Variants in SAXO1 observed in about 807,000 individuals in gnomAD.
The protein encoded by SAXO1 is 4930500O09Rik.
SAXO1 carries 21 observed loss-of-function variants against 17.5 expected under a neutral mutation model. The ratio of observed to expected loss-of-function variants is 1.20; its 90% confidence interval spans 0.85 to 1.72. The LOEUF is 1.72. Ranked by LOEUF, SAXO1 falls within the 40% of genes most tolerant of loss-of-function variation. The probability of loss-of-function intolerance (pLI) is 0.00; values close to 1 mark genes in which losing one functional copy is unlikely to be tolerated. For missense variants in SAXO1, 843 were observed against 596.0 expected, an observed-to-expected ratio of 1.41 and a Z score of -4.32; for synonymous variants, 274 against 216.5, an observed-to-expected ratio of 1.27 and a Z score of -2.33.
At chr9:19,019,252 C>T (rs759304168) in intron 1 of SAXO1, among the ~76,000 whole-genome samples, 17 of 152,282 alleles carry the variant, frequency 1.1e-4, no homozygotes, top group Non-Finnish European at 1.9e-4. Flanking sequence ...AAAATAAATG[C>T]TCTTCTTTGC....
At chr9:18,999,389 T>C (rs1291437002) in intron 1 of SAXO1, among the ~76,000 whole-genome samples, 1 of 152,038 alleles carries the variant, frequency 6.6e-6, no homozygotes, top group Non-Finnish European at 1.5e-5. Context: ...ATCGGTGAAG[T>C]GAGGAGCACC....
At chr9:19,018,906 T>TTG (rs1339464699) in intron 1 of SAXO1, among the ~76,000 whole-genome samples, 1 of 152,126 alleles carries the variant, frequency 6.6e-6, no homozygotes, top group African/African-American at 2.4e-5. Flanking sequence ...GGTCAGGAGT[T>TTG]CGAACCCAGC....
intron 1 of SAXO1, among the ~76,000 whole-genome samples, chr9:19,023,029 A>G (rs944699155): frequency 6.6e-6 from 1 of 152,154 alleles, no homozygotes; most frequent in Non-Finnish European, 1.5e-5. Context: ...ACTCAAGTGT[A>G]GGCATCCCAG....
intron 1 of SAXO1, among the ~76,000 whole-genome samples, chr9:18,969,732 C>G (rs546796200): frequency 3.9e-5 from 6 of 152,306 alleles, no homozygotes; most frequent in Non-Finnish European, 8.8e-5. Flanking sequence ...GTGAAACACA[C>G]TCAGTTTCTA....
chr9:18,951,831 G>A (rs777131827), intron 1 of SAXO1, among the ~76,000 whole-genome samples: 5 of 152,082 alleles, frequency 3.3e-5, no homozygotes, highest in Middle Eastern at 3.2e-3. Context: ...ACTGTTCATC[G>A]TACATGATGT....
chr9:19,011,558 G>C (rs1191044698), intron 1 of SAXO1, among the ~76,000 whole-genome samples: 3 of 152,184 alleles, frequency 2.0e-5, no homozygotes, highest in Non-Finnish European at 4.4e-5. Context: ...CCAAGGCTAA[G>C]TCAACATCCT....
chr9:18,945,694 T>C (rs1831761764), intron 2 of SAXO1, among the ~76,000 whole-genome samples: 1 of 152,198 alleles, frequency 6.6e-6, no homozygotes, highest in Non-Finnish European at 1.5e-5. Context: ...TCTTCTCCTC[T>C]GCCCTCTGAG....
intron 1 of SAXO1, among the ~76,000 whole-genome samples, chr9:18,991,624 G>A (rs1261224418): frequency 6.6e-6 from 1 of 152,176 alleles, no homozygotes; most frequent in East Asian, 1.9e-4. Context: ...TAAATGATGA[G>A]TTAATGGGTG....
chr9:18,932,030 T>A lies in SAXO1; in HGVS notation c.422-2975A>T, dbSNP rs939643659. Among the ~76,000 whole-genome samples the A allele has an allele frequency of 2.0e-5, 3 of 152,166 alleles. No homozygotes were observed. In the South Asian group the frequency reaches 6.2e-4, roughly 31 times the overall value. On this transcript the variant is annotated intron_variant, in intron 3 of 3. Coordinates refer to ENST00000380534, the MANE Select transcript of SAXO1 (RefSeq NM_153707.4). ...TGACTCTTTTCATTTCTTAATGGTG[T>A]CTTTCTAAGTGCCCAAAGGTTTTGA...
chr9:18,995,043 A>T lies in SAXO1; in HGVS notation c.38+37828T>A, dbSNP rs547393939. Among the ~76,000 whole-genome samples, 459 of 152,346 alleles carry T rather than the reference A, an allele frequency of 3.0e-3. 8 individuals are homozygous for T. The South Asian group carries it at 0.044, about 15-fold the overall frequency. ...GACTGAGTTTTTCTTTTTGAAATGC[A>T]CAAAATAACTATAAAATGTCACACT... On this transcript the variant is annotated intron_variant, in intron 1 of 3. Transcript: ENST00000380534.
chr9:19,036,487 C>G (rs911242540), upstream of SAXO1, among the ~76,000 whole-genome samples: 1 of 152,108 alleles, frequency 6.6e-6, no homozygotes, highest in Non-Finnish European at 1.5e-5. Flanking sequence ...ACCAGGGTCC[C>G]CATGCTGTGT....
chr9:18,975,130 G>A (rs541728310), intron 1 of SAXO1, among the ~76,000 whole-genome samples: 1 of 152,198 alleles, frequency 6.6e-6, no homozygotes, highest in Non-Finnish European at 1.5e-5. Context: ...AGAGGCAAGA[G>A]ATTTCCAGGG....
chr9:18,928,968 C>T lies in SAXO1; in HGVS notation c.509G>A (p.Arg170Lys), dbSNP rs139778740. The change falls in exon 4 of 4, where the codon AGA (arginine) becomes AAA (lysine). Residue 170 changes from arginine to lysine, a missense_variant. By Grantham distance (26) the Arg-to-Lys change is conservative. Coordinates refer to ENST00000380534, the MANE Select transcript of SAXO1 (RefSeq NM_153707.4). ...YQPASVRFDN[R>K]TTHQDDYPIK... ...GGGGTAATCGTCCTGGTGTGTGGTT[C>T]TGTTATCAAACCTGACTGATGCCGG... 152 of 1,614,084 alleles carry T rather than the reference C, an allele frequency of 9.4e-5. No individual in the cohort carries two copies. Among genetic ancestry groups the T allele is most frequent in the Non-Finnish European group, 1.2e-4 (138 of 1,180,038 alleles).
chr9:18,946,515 A>G (rs77418903), intron 2 of SAXO1, among the ~76,000 whole-genome samples: 2,660 of 152,152 alleles, frequency 0.017, 84 homozygotes, highest in African/African-American at 0.061. Context: ...TTGTAAATCA[A>G]ATCAGGTTAC....
Position 18,941,727 on chromosome 9 carries a change from G to T in SAXO1, c.331C>A (p.Pro111Thr). 6.2e-7 allele frequency: 1 copy of T among 1,613,894 alleles called. No homozygotes were observed. Among genetic ancestry groups the T allele is most frequent in the Non-Finnish European group, 8.5e-7 (1 of 1,180,030 alleles). Residue 111 changes from proline (P) to threonine (T), a missense_variant, in exon 3 of 4, where the codon CCC becomes ACC. By Grantham distance (38) the Pro-to-Thr change is conservative. Transcript: ENST00000380534. ...LLTTYKKDYNPYPVCRVDPIK... is the reference protein window; with the variant it reads ...LLTTYKKDYNTYPVCRVDPIK... ...GGGTCCACTCGACAGACAGGGTAGG[G>T]ATTGTAATCTTTCTTATACGTCGTG...
At chr9:18,954,386 G>C (rs948711242) in intron 1 of SAXO1, among the ~76,000 whole-genome samples, 4 of 151,748 alleles carry the variant, frequency 2.6e-5, no homozygotes, top group African/African-American at 9.7e-5. Flanking sequence ...ATCCAGGCTG[G>C]AGGGCAGTGG....
chr9:18,968,800 G>A (rs1270441505), intron 1 of SAXO1, among the ~76,000 whole-genome samples: 1 of 152,104 alleles, frequency 6.6e-6, no homozygotes, highest in Admixed American at 6.5e-5. Flanking sequence ...CCCCATGTTG[G>A]CCAGGCTGGT....
chr9:18,973,242 C>A lies in SAXO1; in HGVS notation c.39-22305G>T, dbSNP rs574367725. On this transcript the variant is annotated intron_variant, in intron 1 of 3. Transcript: ENST00000380534. ...GTTGGTGAAAACTCTAATGGAATAA[C>A]TGGTTTTAATTATGCATAAAATGAG... Among the ~76,000 whole-genome samples, 38 of 152,266 alleles carry A rather than the reference C, an allele frequency of 2.5e-4. 1 individual carries two copies. Among genetic ancestry groups the A allele is most frequent in the Middle Eastern group, 3.4e-3 (1 of 294 alleles).
At position 18,950,785 on chromosome 9, in the gene SAXO1, A is replaced by G. The variant is rs754878471; in HGVS notation, c.191T>C (p.Ile64Thr). ...TGATGTAGTCAGGCCTTCCATTGGT[A>G]TAGGCCCTTTCTGGTACTCCCGCCT... Reference protein sequence around the residue: ...KPRREYQKGPIPMEGLTTSRR... With the variant: ...KPRREYQKGPTPMEGLTTSRR... Residue 64 changes from isoleucine (I) to threonine (T), a missense_variant, in exon 2 of 4, where the codon ATA (isoleucine) becomes ACA (threonine). Physicochemically the swap from Ile to Thr is moderately conservative, Grantham distance 89. Coordinates refer to ENST00000380534, the MANE Select transcript of SAXO1 (RefSeq NM_153707.4). 6 of 1,613,684 alleles carry G rather than the reference A, an allele frequency of 3.7e-6. No individual in the cohort carries two copies. The highest frequency in any genetic ancestry group is 4.5e-5 in the East Asian group (2 of 44,878).
Sources: gnomAD v4.1 joint callset for allele counts (sites outside exome capture counted in the v4.1 genomes callset) on GRCh38, gnomAD v4.1.1 for gene constraint, MANE v1.5 for transcripts, NCBI Gene and HGNC (gene_info 2026-07-23, HGNC 2026-07-21) for gene names.